The following NCAM1 variants were observed in gnomAD, a reference collection of about 807,000 sequenced individuals.
NCAM1 encodes antigen recognized by monoclonal antibody 5.1H11.
Under a neutral mutation model 109.8 loss-of-function variants are expected in NCAM1, and 14 were observed. The observed-to-expected ratio is 0.13, with a 90% CI of 0.08 to 0.20. NCAM1 has a LOEUF of 0.20. Among genes scored for constraint, NCAM1 ranks in the 10% least tolerant of loss-of-function variants. The pLI, the probability that NCAM1 is intolerant of heterozygous loss-of-function variation, is 1.00. For synonymous variants in NCAM1, 418 were observed against 442.9 expected (o/e 0.94, Z 0.70); for missense variants, 774 against 1,109.9 (o/e 0.70, Z 4.30).
chr11:113,164,579 A>G (rs1200815179), intron 1 of NCAM1, among the ~76,000 whole-genome samples: 1 of 152,194 alleles, frequency 6.6e-6, no homozygotes, highest in Non-Finnish European at 1.5e-5. Context: ...TCAGGGAAAC[A>G]CATATTTACA....
At chr11:113,182,691 G>C (rs1456178421) in intron 1 of NCAM1, among the ~76,000 whole-genome samples, 2 of 152,244 alleles carry the variant, frequency 1.3e-5, no homozygotes, top group South Asian at 4.1e-4. Flanking sequence ...GCGGTGCTGT[G>C]TTCTGGGTGG....
intron 1 of NCAM1, among the ~76,000 whole-genome samples, chr11:113,112,185 C>T (rs1940476194): frequency 6.6e-6 from 1 of 152,192 alleles, no homozygotes; most frequent in Non-Finnish European, 1.5e-5. Context: ...TGTAAGTGAG[C>T]AGTCACAAGA....
chr11:113,248,813 G>A (rs1305926516), intron 15 of NCAM1, among the ~76,000 whole-genome samples: 1 of 152,174 alleles, frequency 6.6e-6, no homozygotes, highest in African/African-American at 2.4e-5. Context: ...TGGTTACTTG[G>A]CTCCTGAGCC....
At chr11:112,990,812 C>T (rs1294819262) in intron 1 of NCAM1, among the ~76,000 whole-genome samples, 1 of 152,200 alleles carries the variant, frequency 6.6e-6, no homozygotes, top group Non-Finnish European at 1.5e-5. Flanking sequence ...GAGAGTCTGT[C>T]ACCTCGGTGT....
chr11:113,000,039 A>T (rs1377077311), intron 1 of NCAM1, among the ~76,000 whole-genome samples: 1 of 152,192 alleles, frequency 6.6e-6, no homozygotes, highest in Non-Finnish European at 1.5e-5. Context: ...TGTTACACAG[A>T]CGAAAGAGTG....
chr11:113,168,219 G>C (rs1942871969), intron 1 of NCAM1, among the ~76,000 whole-genome samples: 1 of 152,166 alleles, frequency 6.6e-6, no homozygotes, highest in Non-Finnish European at 1.5e-5. Context: ...TGCGTTATCT[G>C]TCTGTATTCT....
chr11:113,090,330 A>G (rs1555089118), intron 1 of NCAM1, among the ~76,000 whole-genome samples: 1 of 152,238 alleles, frequency 6.6e-6, no homozygotes, highest in Non-Finnish European at 1.5e-5. Context: ...AGACAAATAC[A>G]TCTTCTGTAA....
intron 1 of NCAM1, among the ~76,000 whole-genome samples, chr11:113,048,333 A>G (rs1555081179): frequency 6.6e-6 from 1 of 152,210 alleles, no homozygotes; most frequent in African/African-American, 2.4e-5. Context: ...TTAACTCTTT[A>G]CAATATTCCA....
intron 9 of NCAM1, among the ~76,000 whole-genome samples, chr11:113,225,761 G>A (rs538618249): frequency 6.6e-6 from 1 of 152,224 alleles, no homozygotes; most frequent in East Asian, 1.9e-4. Context: ...AGCCAGAAGA[G>A]AGTGGGGGCC....
intron 7 of NCAM1, 39 bp from the exon 8 acceptor site, chr11:113,214,330 A>C (rs140683750): frequency 6.2e-7 from 1 of 1,607,232 alleles, no homozygotes; most frequent in East Asian, 2.2e-5. Context: ...AGAAAGCTCA[A>C]TAATTAGATA....
At chr11:113,216,447 C>T (rs573054608) in intron 8 of NCAM1, among the ~76,000 whole-genome samples, 177 of 152,270 alleles carry the variant, frequency 1.2e-3, no homozygotes, top group Non-Finnish European at 2.2e-3. Flanking sequence ...CCACCGCGCC[C>T]GGCCGATTTC....
At chr11:113,131,532 G>A (rs539869032) in intron 1 of NCAM1, among the ~76,000 whole-genome samples, 80 of 152,328 alleles carry the variant, frequency 5.3e-4, no homozygotes, top group Admixed American at 7.2e-4. Context: ...CTGGCAGTGC[G>A]CCACCCTTGC....
At chr11:113,119,024 T>A (rs1199641117) in intron 1 of NCAM1, among the ~76,000 whole-genome samples, 2 of 151,974 alleles carry the variant, frequency 1.3e-5, no homozygotes, top group Non-Finnish European at 2.9e-5. Flanking sequence ...GATTTCTCTT[T>A]ATGGCTAGTT....
chr11:113,035,953 G>A lies in NCAM1; in HGVS notation c.52+74289G>A, dbSNP rs140131540. 1.2e-3 allele frequency among the ~76,000 whole-genome samples: 177 copies of A among 152,092 alleles called. 1 individual carries two copies. In the East Asian group the frequency reaches 0.025, roughly 22 times the overall value. Reference sequence around the variant, plus strand: ...GTTTAAGGATGTGACTCCAGTCCCCGAGAAGTCCAAGTCTGTTTCAGAGCC... The same window carrying A: ...GTTTAAGGATGTGACTCCAGTCCCCAAGAAGTCCAAGTCTGTTTCAGAGCC... On this transcript the variant is annotated intron_variant, in intron 1 of 19. Coordinates refer to ENST00000316851, the MANE Select transcript of NCAM1 (RefSeq NM_181351.5).
chr11:113,190,979 G>A (rs1037523342), intron 1 of NCAM1, among the ~76,000 whole-genome samples: 23 of 152,052 alleles, frequency 1.5e-4, no homozygotes, highest in South Asian at 2.1e-4. Flanking sequence ...AGGGAGTGGG[G>A]GCAGAACCAG....
intron 1 of NCAM1, among the ~76,000 whole-genome samples, chr11:112,970,050 C>G (rs1159532330): frequency 6.6e-6 from 1 of 152,052 alleles, no homozygotes; most frequent in Admixed American, 6.6e-5. Flanking sequence ...GAGAGAGGGC[C>G]TGTTTTCCTA....
chr11:113,089,422 G>A (rs1239611736), intron 1 of NCAM1, among the ~76,000 whole-genome samples: 3 of 151,466 alleles, frequency 2.0e-5, no homozygotes, highest in Non-Finnish European at 4.4e-5. Context: ...TTAAGTTTAC[G>A]TTTACTAAAT....
At chr11:113,221,265 CTTG>C (rs1555115242) in intron 8 of NCAM1, 28 bp from the exon 9 acceptor site, 2 of 1,553,792 alleles carry the variant, frequency 1.3e-6, no homozygotes, top group African/African-American at 1.4e-5. Flanking sequence ...TTACTGCTTT[CTTG>C]TTGTGTTTTA....
chr11:113,009,312 G>GTTTTTTTGTTGTTGTTTTTTTTTTT (rs1555073910), intron 1 of NCAM1, among the ~76,000 whole-genome samples: 14 of 79,690 alleles, frequency 1.8e-4, no homozygotes, highest in East Asian at 1.0e-3. Context: ...GTTTTTTCGG[G>GTTTTTTTGTTGTTGTTTTTTTTTTT]TTTTTTTTTT....
Sources: gnomAD v4.1 joint callset for allele counts (sites outside exome capture counted in the v4.1 genomes callset) on GRCh38, gnomAD v4.1.1 for gene constraint, MANE v1.5 for transcripts, NCBI Gene and HGNC (gene_info 2026-07-23, HGNC 2026-07-21) for gene names.